Variants in RIMS2 observed in about 807,000 individuals in gnomAD.
RIMS2 encodes the protein regulating synaptic membrane exocytosis 2.
A neutral mutation model predicts 174.4 loss-of-function variants in RIMS2; 59 were observed. That is an observed-to-expected ratio of 0.34 (90% CI 0.27 to 0.42). The LOEUF is 0.42. Ranked by LOEUF, RIMS2 falls within the 10% of genes least tolerant of loss-of-function variation. RIMS2 has a pLI of 1.00. For missense variants in RIMS2, 1,620 were observed against 1,666.3 expected (o/e 0.97, Z 0.48); for synonymous variants, 606 against 572.5 (o/e 1.06, Z -0.84).
At chr8:104,121,048 T>C (rs1048907956) in intron 19 of RIMS2, among the ~76,000 whole-genome samples, 10 of 152,142 alleles carry the variant, frequency 6.6e-5, no homozygotes, top group African/African-American at 2.4e-4. Flanking sequence ...TAACCATTTT[T>C]CTAGCTGCTA....
intron 19 of RIMS2, among the ~76,000 whole-genome samples, chr8:104,032,983 C>A (rs2096432801): frequency 6.6e-6 from 1 of 151,670 alleles, no homozygotes; most frequent in East Asian, 1.9e-4. Context: ...TAAGCTATTA[C>A]AATTGTAGTA....
intron 19 of RIMS2, among the ~76,000 whole-genome samples, chr8:104,099,689 C>G (rs1331141360): frequency 1.3e-5 from 2 of 152,152 alleles, no homozygotes; most frequent in Non-Finnish European, 2.9e-5. Flanking sequence ...TCAGTTAGAT[C>G]AATTTCAGGA....
At chr8:103,646,496 T>G (rs1210362140) in intron 1 of RIMS2, among the ~76,000 whole-genome samples, 1 of 152,136 alleles carries the variant, frequency 6.6e-6, no homozygotes, top group East Asian at 1.9e-4. Flanking sequence ...AACCTATGTA[T>G]TAAGCCCAGC....
chr8:103,568,992 C>T (rs960408043), intron 1 of RIMS2: 37 of 515,076 alleles, frequency 7.2e-5, no homozygotes, highest in African/African-American at 1.4e-4. Context: ...GTGTTCCTAT[C>T]GCTCTTTTCA....
intron 3 of RIMS2, among the ~76,000 whole-genome samples, chr8:103,809,774 A>G (rs1038664766): frequency 1.3e-5 from 2 of 152,132 alleles, no homozygotes; most frequent in Non-Finnish European, 2.9e-5. Flanking sequence ...ATGAGAGGAT[A>G]TGAGTAGACT....
intron 2 of RIMS2, among the ~76,000 whole-genome samples, chr8:103,725,999 T>G (rs1221311459): frequency 6.6e-6 from 1 of 152,166 alleles, no homozygotes; most frequent in Non-Finnish European, 1.5e-5. Flanking sequence ...CTATTTTAAA[T>G]TTGGGTTGTT....
intron 16 of RIMS2, among the ~76,000 whole-genome samples, chr8:103,985,821 A>C (rs981975383): frequency 6.6e-6 from 1 of 152,208 alleles, no homozygotes; most frequent in Non-Finnish European, 1.5e-5. Context: ...TTCTGACAAC[A>C]TAGTTGAACC....
intron 13 of RIMS2, among the ~76,000 whole-genome samples, chr8:103,938,486 C>G (rs2081807412): frequency 6.6e-6 from 1 of 152,056 alleles, no homozygotes. Flanking sequence ...GGGTCCTTCC[C>G]ACGACACATG....
intron 15 of RIMS2, among the ~76,000 whole-genome samples, chr8:103,961,872 G>A (rs897159856): frequency 1.3e-5 from 2 of 152,010 alleles, no homozygotes; most frequent in East Asian, 1.9e-4. Flanking sequence ...GAGTCAGTTA[G>A]CATGCCTTTA....
intron 1 of RIMS2, among the ~76,000 whole-genome samples, chr8:103,551,486 C>T (rs1847894187): frequency 6.6e-6 from 1 of 152,138 alleles, no homozygotes; most frequent in African/African-American, 2.4e-5. Flanking sequence ...AACTCACAGC[C>T]AATATCATAC....
chr8:104,217,137 T>C (rs1397991955), intron 19 of RIMS2, among the ~76,000 whole-genome samples: 1 of 152,230 alleles, frequency 6.6e-6, no homozygotes, highest in African/African-American at 2.4e-5. Flanking sequence ...AATCTTACCA[T>C]TAGTTTTTAG....
At chr8:103,834,682 T>TCC (rs2098848597) in intron 3 of RIMS2, among the ~76,000 whole-genome samples, 6 of 48,228 alleles carry the variant, frequency 1.2e-4, no homozygotes, top group Admixed American at 6.2e-4. Flanking sequence ...GTCTTTTTCT[T>TCC]TCTTTCTTTC....
At chr8:103,634,838 A>G (rs1046059629) in intron 1 of RIMS2, among the ~76,000 whole-genome samples, 13 of 148,626 alleles carry the variant, frequency 8.7e-5, no homozygotes, top group East Asian at 2.0e-4. Flanking sequence ...AGGATTGTCA[A>G]CCCTGCTTTT....
chr8:103,853,181 T>G (rs776941344), intron 3 of RIMS2, among the ~76,000 whole-genome samples: 3 of 152,150 alleles, frequency 2.0e-5, no homozygotes, highest in African/African-American at 4.8e-5. Flanking sequence ...TGATTAGTGA[T>G]GCTGAGCATT....
chr8:104,012,704 G>A (rs959847080), intron 17 of RIMS2, among the ~76,000 whole-genome samples: 2 of 152,106 alleles, frequency 1.3e-5, no homozygotes, highest in Non-Finnish European at 2.9e-5. Context: ...TCAACAATGA[G>A]AGGTTGCTTA....
intron 19 of RIMS2, among the ~76,000 whole-genome samples, chr8:104,212,728 A>G (rs1412131526): frequency 6.6e-6 from 1 of 151,522 alleles, no homozygotes; most frequent in East Asian, 1.9e-4. Flanking sequence ...GCTAGGTTTT[A>G]AAAGGTCTTA....
intron 1 of RIMS2, among the ~76,000 whole-genome samples, chr8:103,621,312 G>T (rs1479685908): frequency 6.6e-6 from 1 of 152,190 alleles, no homozygotes; most frequent in Admixed American, 6.5e-5. Context: ...TGCTGTGTCT[G>T]GTTTCCATTG....
exon 14 of RIMS2, chr8:103,942,817 T>C (rs761556798): frequency 7.4e-6 from 12 of 1,612,918 alleles, no homozygotes; most frequent in Admixed American, 3.3e-5. Context: ...ATGAGCCACA[T>C]TGGTACAAAC....
intron 19 of RIMS2, among the ~76,000 whole-genome samples, chr8:104,179,907 T>C (rs1486478442): frequency 1.3e-5 from 2 of 151,900 alleles, no homozygotes; most frequent in African/African-American, 4.8e-5. Context: ...CCTGTTAACA[T>C]TTTGCTGCAT....
Sources: gnomAD v4.1 joint callset for allele counts (sites outside exome capture counted in the v4.1 genomes callset) on GRCh38, gnomAD v4.1.1 for gene constraint, MANE v1.5 for transcripts, NCBI Gene and HGNC (gene_info 2026-07-23, HGNC 2026-07-21) for gene names.